Variants in ERC1 observed in about 807,000 individuals in gnomAD.
The protein encoded by ERC1 is ELKS/RAB6-interacting/CAST family member 1, also known as RAB6 interacting protein 2.
In ERC1, 56 loss-of-function variants were observed where a neutral mutation model predicts 132.0. That is an observed-to-expected ratio of 0.42 (90% CI 0.34 to 0.53). The LOEUF (loss-of-function observed/expected upper bound fraction) is 0.53. Ranked by LOEUF, ERC1 falls within the 20% of genes least tolerant of loss-of-function variation. The pLI is 0.03. For missense variants in ERC1, 1,202 were observed against 1,349.9 expected (o/e 0.89, Z 1.72); for synonymous variants, 478 against 476.1 (o/e 1.00, Z -0.05).
intron 12 of ERC1, among the ~76,000 whole-genome samples, chr12:1,224,525 AT>A (rs770157367): frequency 6.6e-6 from 1 of 152,190 alleles, no homozygotes; most frequent in Admixed American, 6.5e-5. Context: ...GACCAAAAAA[AT>A]GTGCCATACT....
chr12:1,200,997 C>T (rs975465734), intron 12 of ERC1, among the ~76,000 whole-genome samples: 2 of 152,106 alleles, frequency 1.3e-5, no homozygotes, highest in Non-Finnish European at 2.9e-5. Context: ...TATGTTTACA[C>T]ATGTACATGT....
At chr12:1,461,672 A>C (rs1019275083) in intron 18 of ERC1, among the ~76,000 whole-genome samples, 5 of 152,058 alleles carry the variant, frequency 3.3e-5, no homozygotes, top group African/African-American at 1.2e-4. Context: ...TGTCTCAAAA[A>C]ATAATAATAA....
rs139203927 is a variant in ERC1 at position 1,238,703 on chromosome 12, A to C, written c.2487+1799A>C. On this transcript the variant is annotated intron_variant, in intron 13 of 18. Coordinates refer to ENST00000360905, the MANE Select transcript of ERC1 (RefSeq NM_178040.4). ...TTTAACTGTTTCATTTGTCTTTCTT[A>C]CCCTGCTCATCATTTAATGTTTTCT... is the stretch of plus-strand genomic sequence containing the variant. Among the ~76,000 whole-genome samples, 249 of 152,152 alleles carry C rather than the reference A, an allele frequency of 1.6e-3. 1 individual carries two copies. The highest frequency in any genetic ancestry group is 6.8e-3 in the Middle Eastern group (2 of 294).
At position 1,289,888 on chromosome 12, in the gene ERC1, C is replaced by G; in HGVS notation, c.2656C>G (p.Gln886Glu). The change falls in exon 15 of 19, where the codon CAG (glutamine) becomes GAG (glutamate). Residue 886 changes from glutamine (Q) to glutamate (E), a missense_variant. By Grantham distance (29) the Gln-to-Glu change is conservative (BLOSUM62 2). Coordinates refer to ENST00000360905, the MANE Select transcript of ERC1 (RefSeq NM_178040.4). ...ELLMAMEKVK[Q>E]ELESMKAKLS... ...ACTGATGGCCATGGAGAAGGTAAAG[C>G]AGGAACTAGAATCCATGAAAGCAAA... 1 of 1,613,778 alleles carries G rather than the reference C, an allele frequency of 6.2e-7. No individual in the cohort carries two copies. Among genetic ancestry groups the G allele is most frequent in the Non-Finnish European group, 8.5e-7 (1 of 1,179,722 alleles).
chr12:1,023,468 G>A (rs561394325), intron 1 of ERC1, among the ~76,000 whole-genome samples: 18 of 152,048 alleles, frequency 1.2e-4, no homozygotes, highest in Non-Finnish European at 2.1e-4. Context: ...ACCTTGATAC[G>A]GAGTTCAGTT....
chr12:1,224,388 T>TA (rs1163125247), intron 12 of ERC1, among the ~76,000 whole-genome samples: 8 of 152,190 alleles, frequency 5.3e-5, no homozygotes, highest in Non-Finnish European at 1.0e-4. Flanking sequence ...TTTATCTTGA[T>TA]AGTCATCCTT....
chr12:1,327,666 G>A (rs2082547296), intron 15 of ERC1, among the ~76,000 whole-genome samples: 1 of 152,026 alleles, frequency 6.6e-6, no homozygotes, highest in African/African-American at 2.4e-5. Context: ...TATCTGTTCA[G>A]TGGCATCAGC....
chr12:1,052,520 T>C (rs1279833749), intron 2 of ERC1, among the ~76,000 whole-genome samples: 2 of 152,202 alleles, frequency 1.3e-5, no homozygotes, highest in African/African-American at 4.8e-5. Flanking sequence ...TAAGTGCTCT[T>C]TAGGTTAAGC....
intron 2 of ERC1, among the ~76,000 whole-genome samples, chr12:1,060,675 G>C (rs550572283): frequency 2.0e-5 from 3 of 152,054 alleles, no homozygotes; most frequent in Non-Finnish European, 4.4e-5. Flanking sequence ...GGAAAGACTG[G>C]CCCCATGATT....
chr12:1,493,250 A>C lies in ERC1; in HGVS notation c.*3020A>C, dbSNP rs1007165939. 8 of 188,662 alleles carry C rather than the reference A, an allele frequency of 4.2e-5. No homozygotes were observed. The highest frequency in any genetic ancestry group is 8.9e-5 in the Non-Finnish European group (8 of 89,638). 11.7% of individuals were successfully genotyped at this position (188,662 alleles called of 1,614,324 possible). A position where few individuals can be genotyped will look rare whatever the true frequency, so the allele number is the denominator to read the frequency against. On this transcript the variant is annotated 3_prime_UTR_variant, in exon 19 of 19. Coordinates refer to ENST00000360905, the MANE Select transcript of ERC1 (RefSeq NM_178040.4). ...TGAACGGGCTTTAACATGTTTAAGA[A>C]ATATGGATGGGGCCGGCCACAGTGG...
At chr12:1,237,018 G>T in intron 13 of ERC1, 114 bp downstream of exon 13, 2 of 1,271,586 alleles carry the variant, frequency 1.6e-6, no homozygotes, top group Non-Finnish European at 2.2e-6. Context: ...AACCCTGCTT[G>T]CTGCCTTCCT....
intron 12 of ERC1, among the ~76,000 whole-genome samples, chr12:1,190,938 C>T (rs982180088): frequency 1.3e-5 from 2 of 151,312 alleles, no homozygotes; most frequent in Non-Finnish European, 2.9e-5. Flanking sequence ...TAGAGTACTT[C>T]CATAAATTTT....
intron 6 of ERC1, among the ~76,000 whole-genome samples, chr12:1,112,923 A>G (rs182019105): frequency 1.3e-5 from 2 of 152,294 alleles, no homozygotes; most frequent in East Asian, 1.9e-4. Flanking sequence ...TTGGCCCTCC[A>G]TATCTGTGGA....
At chr12:1,305,278 C>T (rs1290283333) in intron 15 of ERC1, among the ~76,000 whole-genome samples, 1 of 152,126 alleles carries the variant, frequency 6.6e-6, no homozygotes, top group East Asian at 1.9e-4. Context: ...TCTCATGCAT[C>T]AGTGATTTCT....
At chr12:1,358,217 A>C (rs1198788390) in intron 15 of ERC1, among the ~76,000 whole-genome samples, 1 of 124,116 alleles carries the variant, frequency 8.1e-6, no homozygotes, top group East Asian at 2.2e-4. Context: ...TTGTCTGTTC[A>C]AAAAAAAAAA....
intron 1 of ERC1, among the ~76,000 whole-genome samples, chr12:993,322 A>T (rs1231699251): frequency 2.6e-5 from 4 of 152,132 alleles, no homozygotes; most frequent in Non-Finnish European, 4.4e-5. Context: ...ACTTGTGTGT[A>T]CTCCTAAAAT....
intron 16 of ERC1, among the ~76,000 whole-genome samples, chr12:1,383,884 A>G (rs1019154568): frequency 6.6e-6 from 1 of 152,202 alleles, no homozygotes; most frequent in Non-Finnish European, 1.5e-5. Flanking sequence ...AATTCATTTA[A>G]TCATCACTAC....
chr12:1,271,368 G>A (rs112307009), intron 14 of ERC1, among the ~76,000 whole-genome samples: 14 of 152,226 alleles, frequency 9.2e-5, no homozygotes, highest in African/African-American at 3.4e-4. Context: ...TTACATGTAT[G>A]GATAAAGGAT....
intron 15 of ERC1, among the ~76,000 whole-genome samples, chr12:1,310,613 G>C (rs2081241541): frequency 6.6e-6 from 1 of 152,222 alleles, no homozygotes. Flanking sequence ...CAGTAGTTCT[G>C]TGCTCTAAAG....
Sources: gnomAD v4.1 joint callset for allele counts (sites outside exome capture counted in the v4.1 genomes callset) on GRCh38, gnomAD v4.1.1 for gene constraint, MANE v1.5 for transcripts, NCBI Gene and HGNC (gene_info 2026-07-23, HGNC 2026-07-21) for gene names.